Variants in NFAM1 observed in about 807,000 individuals in gnomAD.
The protein encoded by NFAM1 is NFAT activation molecule 1.
NFAM1 carries 17 observed loss-of-function variants against 29.0 expected under a neutral mutation model. That is an observed-to-expected ratio of 0.59 (90% CI 0.40 to 0.88). The LOEUF is 0.88. Among genes scored for constraint, NFAM1 ranks in the 40% least tolerant of loss-of-function variants. NFAM1 has a pLI of 0.00. For missense variants in NFAM1, 324 were observed against 344.6 expected (o/e 0.94, Z 0.47); for synonymous variants, 175 against 147.2 (o/e 1.19, Z -1.36).
At position 42,409,254 on chromosome 22, in the gene NFAM1, A is replaced by AGCACAGGGAGTG. The variant is rs557034484; in HGVS notation, c.564+169_564+180dup. On this transcript the variant is annotated intron_variant, in intron 3 of 5. Coordinates refer to ENST00000329021, the MANE Select transcript of NFAM1 (RefSeq NM_145912.8). The surrounding 1 kb of genome is among the most constrained non-coding windows in gnomAD (Gnocchi z 4.9). Reference sequence around the variant, plus strand: ...ACAAGATCAAAAGGCACCCCATGGCAGCACAGGGAGTGGCACAGGAGGGAT... The same window carrying AGCACAGGGAGTG: ...ACAAGATCAAAAGGCACCCCATGGCAGCACAGGGAGTGGCACAGGGAGTGGCACAGGAGGGAT... Among the ~76,000 whole-genome samples, 39 of 152,326 alleles carry AGCACAGGGAGTG rather than the reference A, an allele frequency of 2.6e-4. No homozygotes were observed. Among genetic ancestry groups the AGCACAGGGAGTG allele is most frequent in the African/African-American group, 9.1e-4 (38 of 41,558 alleles).
Position 42,423,112 on chromosome 22 carries a change from CAAA to C in NFAM1, c.121+9122_121+9124del, listed in dbSNP as rs71184892. Among the ~76,000 whole-genome samples, 200 of 75,666 alleles carry C rather than the reference CAAA, an allele frequency of 2.6e-3. 2 individuals carry two copies. Among genetic ancestry groups the C allele is most frequent in the Admixed American group, 9.1e-3 (53 of 5,824 alleles). The allele number at this position is 75,666 out of a possible 152,430, so 49.6% of individuals were successfully genotyped here. A position where few individuals can be genotyped will look rare whatever the true frequency, so the allele number is the denominator to read the frequency against. ...TAGGCGACAGAGCAAGACTCCATCTCAAAAAAAAAAAAAAAAGGAAATGAAGTG... is the reference window on the plus strand; with the variant it reads ...TAGGCGACAGAGCAAGACTCCATCTCAAAAAAAAAAAAAGGAAATGAAGTG... On this transcript the variant is annotated intron_variant, in intron 1 of 5. Coordinates refer to ENST00000329021, the MANE Select transcript of NFAM1 (RefSeq NM_145912.8).
chr22:42,422,632 G>C (rs1472012766), intron 1 of NFAM1, among the ~76,000 whole-genome samples: 1 of 152,064 alleles, frequency 6.6e-6, no homozygotes, highest in Non-Finnish European at 1.5e-5. Context: ...GTCAAAAAAA[G>C]GTCAAGTCGC....
At chr22:42,431,439 G>T (rs1004469621) in intron 1 of NFAM1, among the ~76,000 whole-genome samples, 3 of 152,190 alleles carry the variant, frequency 2.0e-5, no homozygotes, top group African/African-American at 7.2e-5. Flanking sequence ...CCAGAGGGAG[G>T]GTTGGCTGCT....
At chr22:42,404,784 GGC>G (rs1929837531) in intron 3 of NFAM1, among the ~76,000 whole-genome samples, 1 of 151,680 alleles carries the variant, frequency 6.6e-6, no homozygotes, top group Admixed American at 6.6e-5. Context: ...GAATCTGAGA[GGC>G]GGAGGTGCAG....
chr22:42,386,595 C>T (rs1331725288), intron 5 of NFAM1, among the ~76,000 whole-genome samples: 1 of 152,180 alleles, frequency 6.6e-6, no homozygotes, highest in Non-Finnish European at 1.5e-5. Flanking sequence ...CCTAACACCC[C>T]TGTCTGACTG....
intron 4 of NFAM1, among the ~76,000 whole-genome samples, chr22:42,394,675 G>T (rs972556960): frequency 6.6e-5 from 10 of 152,136 alleles, no homozygotes; most frequent in African/African-American, 2.2e-4. Flanking sequence ...AATTACTTAA[G>T]TATCCACCCA....
chr22:42,387,538 G>A (rs1331054337), intron 4 of NFAM1, among the ~76,000 whole-genome samples: 1 of 150,228 alleles, frequency 6.7e-6, no homozygotes, highest in East Asian at 2.0e-4. Context: ...CCCTGTGAGG[G>A]TCCTCCCACC....
In NFAM1 at chr22:42,409,732, C is replaced by T. The variant is rs7291741; in HGVS notation, c.452-185G>A. 0.029 allele frequency among the ~76,000 whole-genome samples: 4,405 copies of T among 152,274 alleles called. 216 individuals are homozygous for T. Among genetic ancestry groups the T allele is most frequent in the African/African-American group, 0.1 (4,242 of 41,536 alleles). ...CATTGTCCCCTCACTCCTTTTCATG[C>T]TCACTGCCTTGCTTCTCTGTAAGGA... On this transcript the variant is annotated intron_variant, in intron 2 of 5. Transcript: ENST00000329021. This position sits in a 1 kb window ranked among gnomAD's most constrained non-coding sequence, Gnocchi z 4.9.
chr22:42,395,067 G>A lies in NFAM1; in HGVS notation c.663+2791C>T, dbSNP rs896869479. Among the ~76,000 whole-genome samples the A allele has an allele frequency of 2.9e-4, 44 of 152,120 alleles. 1 individual carries two copies. On this transcript the variant is annotated intron_variant, in intron 4 of 5. Transcript: ENST00000329021. The stretch of plus-strand genomic sequence containing the variant: ...CTCACACTCATAGTCCCAGCCACCC[G>A]GGAGGCTGAGGTGGGAAGATAGCTG...
intron 1 of NFAM1, among the ~76,000 whole-genome samples, chr22:42,431,789 C>CT (rs1465561244): frequency 1.3e-5 from 2 of 148,820 alleles, no homozygotes; most frequent in Non-Finnish European, 3.0e-5. Context: ...CCCCTCCCCC[C>CT]TCTCCCCGCT....
chr22:42,435,815 CTTTTTTTTTT>C (rs890914167), upstream of NFAM1, among the ~76,000 whole-genome samples: 3 of 94,260 alleles, frequency 3.2e-5, no homozygotes, highest in Admixed American at 9.7e-5. Context: ...TTTTCTTCTT[CTTTTTTTTTT>C]TTTTTTTTTT....
At chr22:42,395,554 CATT>C (rs1440634080) in intron 4 of NFAM1, among the ~76,000 whole-genome samples, 3 of 150,806 alleles carry the variant, frequency 2.0e-5, no homozygotes, top group Non-Finnish European at 4.4e-5. Flanking sequence ...GTAAAACTTG[CATT>C]ATTCATAGAT....
intron 1 of NFAM1, among the ~76,000 whole-genome samples, chr22:42,418,289 G>T (rs2147114219): frequency 6.6e-6 from 1 of 152,304 alleles, no homozygotes; most frequent in East Asian, 1.9e-4. Context: ...AGCCTTAAGG[G>T]GTTGTGGTGG....
chr22:42,433,246 G>A (rs968080245), upstream of NFAM1, among the ~76,000 whole-genome samples: 2 of 152,236 alleles, frequency 1.3e-5, no homozygotes, highest in Admixed American at 6.5e-5. Flanking sequence ...GGGCTGGGGT[G>A]TGGTGATGGC....
intron 4 of NFAM1, among the ~76,000 whole-genome samples, chr22:42,395,958 T>G (rs1159524243): frequency 6.6e-6 from 1 of 151,394 alleles, no homozygotes; most frequent in Non-Finnish European, 1.5e-5. Flanking sequence ...CCCTAAAACC[T>G]TATCAAGAGG....
At chr22:42,402,521 G>C (rs954128503) in intron 3 of NFAM1, among the ~76,000 whole-genome samples, 2 of 152,208 alleles carry the variant, frequency 1.3e-5, no homozygotes, top group African/African-American at 4.8e-5. Context: ...TCACCAAGAG[G>C]GGGGTGACCC....
chr22:42,405,605 G>A (rs900478170), intron 3 of NFAM1, among the ~76,000 whole-genome samples: 1 of 152,202 alleles, frequency 6.6e-6, no homozygotes, highest in Non-Finnish European at 1.5e-5. Flanking sequence ...CTGGCTTGGG[G>A]AGGGAGGCAG....
chr22:42,400,782 C>T (rs1388438909), intron 3 of NFAM1, among the ~76,000 whole-genome samples: 1 of 152,196 alleles, frequency 6.6e-6, no homozygotes, highest in African/African-American at 2.4e-5. Flanking sequence ...AGTGGTCTGC[C>T]CCAGTGCACC....
intron 3 of NFAM1, among the ~76,000 whole-genome samples, chr22:42,398,390 T>TATC (rs1491298755): frequency 6.6e-5 from 7 of 106,372 alleles, no homozygotes; most frequent in African/African-American, 1.8e-4. Context: ...TATTTATTAT[T>TATC]ATTATTATTA....
Sources: allele counts gnomAD v4.1 joint callset (sites outside exome capture counted in the v4.1 genomes callset), GRCh38; gene constraint gnomAD v4.1.1; non-coding constraint Gnocchi (gnomAD v3.1); transcripts MANE v1.5; gene names NCBI Gene and HGNC (gene_info 2026-07-23, HGNC 2026-07-21).